The following PTPRD variants were observed in gnomAD, a reference collection of about 807,000 sequenced individuals.
PTPRD encodes receptor-type tyrosine-protein phosphatase delta.
PTPRD carries 34 observed loss-of-function variants against 214.5 expected under a neutral mutation model. That is an observed-to-expected ratio of 0.16 (90% CI 0.12 to 0.21). PTPRD has a LOEUF of 0.21. Ranked by LOEUF, PTPRD falls within the 10% of genes least tolerant of loss-of-function variation. The pLI is 1.00. For missense variants in PTPRD, 2,545 were observed against 2,398.7 expected (o/e 1.06, Z -1.27); for synonymous variants, 1,128 against 845.7 (o/e 1.33, Z -5.79).
At chr9:9,878,434 G>T (rs1041039215) in intron 5 of PTPRD, among the ~76,000 whole-genome samples, 7 of 152,132 alleles carry the variant, frequency 4.6e-5, no homozygotes, top group Non-Finnish European at 7.3e-5. Flanking sequence ...CTGCAAACTT[G>T]CAGAGAAGAC....
intron 5 of PTPRD, among the ~76,000 whole-genome samples, chr9:9,892,115 C>T (rs2073533491): frequency 6.6e-6 from 1 of 151,828 alleles, no homozygotes; most frequent in African/African-American, 2.4e-5. Flanking sequence ...AGGTTCCAGG[C>T]CTAGTAAATA....
chr9:9,202,309 T>C (rs1399273482), intron 9 of PTPRD, among the ~76,000 whole-genome samples: 1 of 152,202 alleles, frequency 6.6e-6, no homozygotes, highest in Non-Finnish European at 1.5e-5. Context: ...CTATGCAAGA[T>C]GGTTAAAAAT....
intron 8 of PTPRD, among the ~76,000 whole-genome samples, chr9:9,450,644 T>C (rs963380626): frequency 3.9e-5 from 6 of 151,924 alleles, no homozygotes; most frequent in African/African-American, 1.4e-4. Context: ...CCTAAGCATT[T>C]ACATAATGAA....
intron 10 of PTPRD, among the ~76,000 whole-genome samples, chr9:9,072,655 A>G (rs1166268644): frequency 6.6e-6 from 1 of 152,190 alleles, no homozygotes; most frequent in African/African-American, 2.4e-5. Flanking sequence ...CATGTCACTG[A>G]GTCTTCATTA....
rs140414113 is a variant in PTPRD at position 9,758,263 on chromosome 9, T to C, written c.-326+8547A>G. Among the ~76,000 whole-genome samples, 418 of 152,180 alleles carry C rather than the reference T, an allele frequency of 2.7e-3. 4 individuals carry two copies. Among genetic ancestry groups the C allele is most frequent in the African/African-American group, 9.7e-3 (401 of 41,496 alleles). ...ACATTATTCAATGTAGCTCTCTTAC[T>C]TCCATTCGCTTGGCTTTTGTATATT... On this transcript the variant is annotated intron_variant, in intron 6 of 45. Coordinates refer to ENST00000381196, the MANE Select transcript of PTPRD (RefSeq NM_002839.4).
At chr9:9,976,028 G>C (rs2095338965) in intron 4 of PTPRD, among the ~76,000 whole-genome samples, 1 of 152,098 alleles carries the variant, frequency 6.6e-6, no homozygotes, top group Non-Finnish European at 1.5e-5. Flanking sequence ...TAGAACACCA[G>C]TCTTCAAATG....
chr9:8,651,115 C>T (rs1404255920), intron 12 of PTPRD, among the ~76,000 whole-genome samples: 1 of 152,086 alleles, frequency 6.6e-6, no homozygotes, highest in East Asian at 1.9e-4. Context: ...CACAAATATC[C>T]AAATTCTTTT....
At chr9:10,593,276 G>C (rs985535724) in intron 2 of PTPRD, among the ~76,000 whole-genome samples, 1 of 151,870 alleles carries the variant, frequency 6.6e-6, no homozygotes, top group African/African-American at 2.4e-5. Flanking sequence ...TTTGCATTTC[G>C]AACAAGCTCC....
chr9:10,473,862 C>T (rs559443514), intron 2 of PTPRD, among the ~76,000 whole-genome samples: 80 of 151,872 alleles, frequency 5.3e-4, no homozygotes, highest in Non-Finnish European at 1.0e-3. Context: ...ATTAAAAGCT[C>T]CTCTTAATGT....
At chr9:9,244,634 A>G (rs1464572861) in intron 9 of PTPRD, among the ~76,000 whole-genome samples, 1 of 152,196 alleles carries the variant, frequency 6.6e-6, no homozygotes, top group Non-Finnish European at 1.5e-5. Flanking sequence ...ACAAAAATTA[A>G]TTCAAGATGG....
intron 9 of PTPRD, among the ~76,000 whole-genome samples, chr9:9,268,658 C>A (rs1941312048): frequency 6.6e-6 from 1 of 150,810 alleles, no homozygotes; most frequent in African/African-American, 2.4e-5. Context: ...ATGGGCATAA[C>A]AACAAACATA....
chr9:10,395,714 A>G (rs936384771), intron 2 of PTPRD, among the ~76,000 whole-genome samples: 1 of 151,944 alleles, frequency 6.6e-6, no homozygotes, highest in Non-Finnish European at 1.5e-5. Context: ...CACAGGGGCC[A>G]AATAAGTTCT....
chr9:9,966,269 A>G (rs1431522650), intron 4 of PTPRD, among the ~76,000 whole-genome samples: 1 of 152,178 alleles, frequency 6.6e-6, no homozygotes, highest in Non-Finnish European at 1.5e-5. Context: ...TATATATTCT[A>G]TGCAATCACC....
At chr9:9,642,183 T>C (rs1489255405) in intron 7 of PTPRD, among the ~76,000 whole-genome samples, 4 of 141,888 alleles carry the variant, frequency 2.8e-5, no homozygotes, top group East Asian at 2.1e-4. Flanking sequence ...CCAAACACCG[T>C]ATATTCTCAC....
intron 2 of PTPRD, among the ~76,000 whole-genome samples, chr9:10,459,477 C>G (rs1236620184): frequency 6.6e-6 from 1 of 152,134 alleles, no homozygotes; most frequent in African/African-American, 2.4e-5. Flanking sequence ...AATCACCACA[C>G]CATCTTCCAC....
intron 7 of PTPRD, among the ~76,000 whole-genome samples, chr9:9,731,867 G>C (rs2098200265): frequency 6.6e-6 from 1 of 152,124 alleles, no homozygotes; most frequent in African/African-American, 2.4e-5. Context: ...CAATGTGTTA[G>C]GTATGCTGCA....
chr9:8,744,573 C>G (rs796938327), intron 11 of PTPRD, among the ~76,000 whole-genome samples: 3 of 152,286 alleles, frequency 2.0e-5, no homozygotes, highest in African/African-American at 7.2e-5. Flanking sequence ...TGCATGTTCT[C>G]CCTCATAAGG....
chr9:8,771,134 T>C (rs1308432273), intron 11 of PTPRD, among the ~76,000 whole-genome samples: 1 of 146,426 alleles, frequency 6.8e-6, no homozygotes, highest in Non-Finnish European at 1.5e-5. Context: ...TGAGCCGAGA[T>C]CACACCACTG....
chr9:10,038,983 T>C (rs1164782598), intron 3 of PTPRD, among the ~76,000 whole-genome samples: 1 of 152,024 alleles, frequency 6.6e-6, no homozygotes, highest in South Asian at 2.1e-4. Flanking sequence ...CTTTTGTTGC[T>C]TACAGTGAGT....
Sources: allele counts gnomAD v4.1 joint callset (sites outside exome capture counted in the v4.1 genomes callset), GRCh38; gene constraint gnomAD v4.1.1; transcripts MANE v1.5; gene names NCBI Gene and HGNC (gene_info 2026-07-23, HGNC 2026-07-21).